LARGE1: variants seen among roughly 807,000 people sequenced by gnomAD.
LARGE1 encodes the protein LARGE xylosyl- and glucuronyltransferase 1, also known as xylosyl- and glucuronyltransferase LARGE1.
LARGE1 carries 43 observed loss-of-function variants against 87.6 expected under a neutral mutation model. The ratio of observed to expected loss-of-function variants is 0.49; its 90% CI spans 0.38 to 0.63. The LOEUF is 0.63. Among genes scored for constraint, LARGE1 ranks in the 30% least tolerant of loss-of-function variants. The probability of loss-of-function intolerance (pLI) is 0.00; values close to 1 mark genes in which losing one functional copy is unlikely to be tolerated. For missense variants in LARGE1, 802 were observed against 1,000.2 expected (o/e 0.80, Z 2.67); for synonymous variants, 434 against 394.6 (o/e 1.10, Z -1.18).
chr22:33,686,037 A>G (rs2081933628), intron 2 of LARGE1, among the ~76,000 whole-genome samples: 1 of 152,212 alleles, frequency 6.6e-6, no homozygotes, highest in Non-Finnish European at 1.5e-5. Flanking sequence ...CGACTCATCT[A>G]TCTATACAGA....
At position 33,564,880 on chromosome 22, in the gene LARGE1, G is replaced by A. The variant is rs764632554; in HGVS notation, c.755C>T (p.Ala252Val). The change falls in exon 6 of 15, where the codon GCA becomes GTA. Residue 252 changes from alanine to valine, a missense_variant. Coordinates refer to ENST00000397394, the MANE Select transcript of LARGE1 (RefSeq NM_133642.5). ...CTTGTGGAACACAGCCCACAGCTCT[G>A]CAATGTCAGTGGCAAAGGTGATATC... ...DTDITFATDI[A>V]ELWAVFHKFK... is the part of the protein sequence containing the mutation. 24 of 1,614,060 alleles carry A rather than the reference G, an allele frequency of 1.5e-5. No homozygotes were observed. Among genetic ancestry groups the A allele is most frequent in the Non-Finnish European group, 1.8e-5 (21 of 1,180,036 alleles).
intron 6 of LARGE1, among the ~76,000 whole-genome samples, chr22:33,547,788 C>T: frequency 1.3e-5 from 1 of 79,556 alleles, no homozygotes; most frequent in Non-Finnish European, 2.2e-5. Flanking sequence ...AGTGAGACTC[C>T]ATCTCAAAAA....
At chr22:33,710,450 T>G (rs1386683503) in intron 2 of LARGE1, among the ~76,000 whole-genome samples, 1 of 152,044 alleles carries the variant, frequency 6.6e-6, no homozygotes, top group Non-Finnish European at 1.5e-5. Flanking sequence ...AGGAAGACAG[T>G]GGCAAGGAAG....
At chr22:33,395,118 A>G (rs923054073) in intron 7 of LARGE1, among the ~76,000 whole-genome samples, 5 of 148,290 alleles carry the variant, frequency 3.4e-5, no homozygotes, top group Non-Finnish European at 7.4e-5. Context: ...AGTCCCAGCT[A>G]TTTGGGAGGC....
At chr22:33,673,996 A>T (rs957407079) in intron 2 of LARGE1, among the ~76,000 whole-genome samples, 7 of 149,298 alleles carry the variant, frequency 4.7e-5, no homozygotes, top group African/African-American at 1.8e-4. Flanking sequence ...TTTAGTAGAG[A>T]TGGGGTTTTG....
At chr22:33,599,440 G>A (rs1417446032) in intron 5 of LARGE1, among the ~76,000 whole-genome samples, 2 of 152,068 alleles carry the variant, frequency 1.3e-5, no homozygotes, top group African/African-American at 4.8e-5. Context: ...TTCAGTCCTG[G>A]TAGCCTGTTG....
At chr22:33,450,873 G>T (rs2067887625) in intron 6 of LARGE1, among the ~76,000 whole-genome samples, 1 of 151,994 alleles carries the variant, frequency 6.6e-6, no homozygotes, top group Non-Finnish European at 1.5e-5. Flanking sequence ...GCTAGAATGG[G>T]GTGTCTGGAC....
chr22:33,290,407 T>G (rs1217348671), intron 12 of LARGE1, among the ~76,000 whole-genome samples: 2 of 152,210 alleles, frequency 1.3e-5, no homozygotes, highest in Non-Finnish European at 2.9e-5. Context: ...ATTAATCTCT[T>G]GGTTCTGCAA....
intron 1 of LARGE1, among the ~76,000 whole-genome samples, chr22:33,810,992 T>C (rs2086477753): frequency 6.6e-6 from 1 of 152,144 alleles, no homozygotes; most frequent in Non-Finnish European, 1.5e-5. Flanking sequence ...AAAGTGATTT[T>C]TTTGTTCTAT....
At position 33,384,810 on chromosome 22, in the gene LARGE1, T is replaced by C. The variant is rs112761536; in HGVS notation, c.893-506A>G. Among the ~76,000 whole-genome samples, 60 of 149,160 alleles carry C rather than the reference T, an allele frequency of 4.0e-4. 4 individuals carry two copies. The highest frequency in any genetic ancestry group is 1.4e-3 in the African/African-American group (57 of 41,140). On this transcript the variant is annotated intron_variant, in intron 7 of 14. Transcript: ENST00000397394. The stretch of plus-strand genomic sequence containing the variant: ...GAAAAAAAAGATTCTAGCTCTGCAC[T>C]GGATACAGAGCACATTCCTTATAGA...
Position 33,656,634 on chromosome 22 carries a change from C to T in LARGE1, c.107-5966G>A, listed in dbSNP as rs369963791. ...TTTGTTTCTCTATTACCTTTCCTTCCAGGTTTCTACTCTTTAGATATACAC... is the reference window on the plus strand; with the variant it reads ...TTTGTTTCTCTATTACCTTTCCTTCTAGGTTTCTACTCTTTAGATATACAC... On this transcript the variant is annotated intron_variant, in intron 2 of 14. Coordinates refer to ENST00000397394, the MANE Select transcript of LARGE1 (RefSeq NM_133642.5). Among the ~76,000 whole-genome samples, 8 of 152,272 alleles carry T rather than the reference C, an allele frequency of 5.3e-5. No individual in the cohort carries two copies. In the East Asian group the frequency reaches 1.4e-3, roughly 26 times the overall value.
intron 6 of LARGE1, among the ~76,000 whole-genome samples, chr22:33,549,857 G>A (rs1427030375): frequency 1.3e-5 from 2 of 152,098 alleles, no homozygotes; most frequent in Non-Finnish European, 2.9e-5. Flanking sequence ...CTGTCCTTGC[G>A]ATAGTTTGCT....
chr22:33,783,987 ATCTC>A (rs565052263), intron 1 of LARGE1, among the ~76,000 whole-genome samples: 1 of 151,982 alleles, frequency 6.6e-6, no homozygotes, highest in Admixed American at 6.6e-5. Flanking sequence ...CACTAAGACA[ATCTC>A]TCTCTTTCTT....
chr22:33,878,328 T>C (rs2064550987), intron 1 of LARGE1, among the ~76,000 whole-genome samples: 1 of 151,558 alleles, frequency 6.6e-6, no homozygotes, highest in Admixed American at 6.6e-5. Flanking sequence ...AGTATACAAA[T>C]ACATATTGGC....
chr22:33,403,877 C>T (rs1006449941), intron 7 of LARGE1, among the ~76,000 whole-genome samples: 3 of 152,146 alleles, frequency 2.0e-5, no homozygotes, highest in African/African-American at 4.8e-5. Context: ...GGATTACAGG[C>T]GTGAGCCACC....
intron 6 of LARGE1, among the ~76,000 whole-genome samples, chr22:33,522,328 G>T (rs1050323784): frequency 6.6e-6 from 1 of 152,176 alleles, no homozygotes; most frequent in East Asian, 1.9e-4. Context: ...GTTCACAGGG[G>T]ATGTGCTCAT....
intron 12 of LARGE1, among the ~76,000 whole-genome samples, chr22:33,285,640 C>CAAAA (rs796482148): frequency 2.7e-4 from 41 of 151,920 alleles, no homozygotes; most frequent in African/African-American, 9.4e-4. Flanking sequence ...AACAAACAAA[C>CAAAA]AAACAAAAAA....
chr22:33,796,293 T>G (rs987602518), intron 1 of LARGE1, among the ~76,000 whole-genome samples: 4 of 152,070 alleles, frequency 2.6e-5, no homozygotes, highest in Non-Finnish European at 1.5e-5. Flanking sequence ...TTTCTAAGAG[T>G]TGGTTTCAAC....
chr22:33,118,151 T>C, the LARGE1 span, among the ~76,000 whole-genome samples: 2 of 151,914 alleles, frequency 1.3e-5, no homozygotes, highest in African/African-American at 4.8e-5. Flanking sequence ...AAAAAATACA[T>C]GTTTCTCAGG....
Sources: gnomAD v4.1 joint callset for allele counts (sites outside exome capture counted in the v4.1 genomes callset) on GRCh38, gnomAD v4.1.1 for gene constraint, MANE v1.5 for transcripts, NCBI Gene and HGNC (gene_info 2026-07-23, HGNC 2026-07-21) for gene names.